The following IQSEC2 variants were observed in gnomAD, a reference collection of about 807,000 sequenced individuals.
IQSEC2 encodes the protein IQ motif and Sec7 domain ArfGEF 2.
IQSEC2 carries 6 observed loss-of-function variants against 74.6 expected under a neutral mutation model. That is an observed-to-expected ratio of 0.08 (90% confidence interval 0.04 to 0.16). The LOEUF is 0.16. Ranked by LOEUF, IQSEC2 falls within the 10% of genes least tolerant of loss-of-function variation. The probability of loss-of-function intolerance (pLI) is 1.00; values close to 1 mark genes in which losing one functional copy is unlikely to be tolerated. For missense variants in IQSEC2, 734 were observed against 1,306.2 expected (o/e 0.56, Z 6.75); for synonymous variants, 494 against 544.5 (o/e 0.91, Z 1.29).
downstream of IQSEC2, among the ~76,000 whole-genome samples, chrX:53,228,278 A>C (rs868961291): frequency 1.8e-5 from 2 of 112,067 alleles, no homozygotes; most frequent in Non-Finnish European, 3.8e-5. Context: ...GCAGGACCAG[A>C]ACTCAAACCC....
chrX:53,234,756 G>A lies in IQSEC2; in HGVS notation c.3930C>T (p.Pro1310=), dbSNP rs913156254. The A allele has an allele frequency of 3.5e-5, 39 of 1,118,490 alleles. No homozygotes were observed. The highest frequency in any genetic ancestry group is 4.5e-5 in the Non-Finnish European group (38 of 849,779). The allele number at this position is 1,118,490 out of a possible 1,213,427, so 92.2% of individuals were successfully genotyped here. A position where few individuals can be genotyped will look rare whatever the true frequency, so the allele number is the denominator to read the frequency against. ...GTGGCCCCACAGGTGGGGCTGAGGC[G>A]GGAGGCGGTGGAATGGAGCCCAGCT... is the stretch of plus-strand genomic sequence containing the variant. ...LPQLGSIPPP[P]ASAPPVGPHR... is the part of the protein sequence containing the mutation. Residue 1310 remains proline (P), a synonymous_variant, in exon 15 of 15, where the codon CCC becomes CCT. Transcript: ENST00000642864.
At chrX:53,262,712 C>G (rs2074587574) in intron 2 of IQSEC2, among the ~76,000 whole-genome samples, 1 of 112,565 alleles carries the variant, frequency 8.9e-6, no homozygotes, top group Admixed American at 9.3e-5. Flanking sequence ...CCTAGCCCAG[C>G]CTGGCTTGGC....
chrX:53,300,922 A>T (rs1263767678), intron 1 of IQSEC2, among the ~76,000 whole-genome samples: 1 of 111,882 alleles, frequency 8.9e-6, no homozygotes, highest in Non-Finnish European at 1.9e-5. Flanking sequence ...TGGAAAAATC[A>T]AGAACAAAAA....
At chrX:53,242,021 T>A in intron 9 of IQSEC2, 112 bp from the exon 10 acceptor site, 11 of 927,492 alleles carry the variant, frequency 1.2e-5, no homozygotes, top group Non-Finnish European at 1.7e-5. Flanking sequence ...TGTGTGTCAC[T>A]CTGACACAAG....
In IQSEC2 at chrX:53,254,679, T is replaced by C; in HGVS notation, c.1252A>G (p.Met418Val). The C allele has an allele frequency of 8.3e-7, 1 of 1,211,248 alleles. No individual in the cohort carries two copies. The highest frequency in any genetic ancestry group is 1.1e-6 in the Non-Finnish European group (1 of 895,055). ...GKPASLDEGA[M>V]AGARSHRLER... ...AGCCGGTGGCTCCGGGCACCAGCCA[T>C]GGCACCCTCGTCCAGCGAGGCAGGC... Residue 418 changes from methionine to valine, a missense_variant, in exon 4 of 15, where the codon ATG becomes GTG. Around this residue, in one of 12 missense-constraint regions of IQSEC2, gnomAD observed 204 missense variants for 305.4 expected, o/e 0.67. Transcript: ENST00000642864.
At chrX:53,280,657 C>T (rs1177289180) in intron 2 of IQSEC2, among the ~76,000 whole-genome samples, 1 of 110,416 alleles carries the variant, frequency 9.1e-6, no homozygotes, top group African/African-American at 3.3e-5. Context: ...TGATGCTGTG[C>T]CCCCACCACC....
At chrX:53,232,576 T>C (rs781835453), downstream of IQSEC2, among the ~76,000 whole-genome samples, 2 of 111,935 alleles carry the variant, frequency 1.8e-5, no homozygotes, top group African/African-American at 6.5e-5. Context: ...AGTTTTACAC[T>C]GAGGAAACTG....
chrX:53,259,850 T>C (rs1602300858), intron 2 of IQSEC2, among the ~76,000 whole-genome samples: 1 of 112,017 alleles, frequency 8.9e-6, no homozygotes, highest in Non-Finnish European at 1.9e-5. Flanking sequence ...AACTATTTCA[T>C]TCTCTCACTA....
In IQSEC2 at chrX:53,251,036, T is replaced by G; in HGVS notation, c.1540A>C (p.Ser514Arg). ...TCATCCAGGTAGAGGGGAAGATCACTGAAGGATGTGGCTGAGCTGTCCTCT... is the reference window on the plus strand; with the variant it reads ...TCATCCAGGTAGAGGGGAAGATCACGGAAGGATGTGGCTGAGCTGTCCTCT... ...QQEDSSATSF[S>R]DLPLYLDDTV... The change falls in exon 5 of 15, where the codon AGT becomes CGT. Residue 514 changes from serine to arginine, a missense_variant. Ser to Arg is a moderately radical substitution (Grantham distance 110). Coordinates refer to ENST00000642864, the MANE Select transcript of IQSEC2 (RefSeq NM_001111125.3). 1.7e-6 allele frequency: 2 copies of G among 1,211,594 alleles called. No individual in the cohort carries two copies. The highest frequency in any genetic ancestry group is 2.2e-6 in the Non-Finnish European group (2 of 895,475).
chrX:53,286,552 C>T (rs2075027370), intron 2 of IQSEC2, among the ~76,000 whole-genome samples: 1 of 111,463 alleles, frequency 9.0e-6, no homozygotes, highest in Admixed American at 9.5e-5. Context: ...AGGGGCAGAT[C>T]CTGAAGCTGG....
At chrX:53,319,494 G>A (rs1368662342) in intron 1 of IQSEC2, among the ~76,000 whole-genome samples, 1 of 112,031 alleles carries the variant, frequency 8.9e-6, no homozygotes, top group Non-Finnish European at 1.9e-5. Context: ...CCAGCTCAGT[G>A]TTCCTTCGAA....
At chrX:53,282,618 T>C (rs1470197494) in intron 2 of IQSEC2, among the ~76,000 whole-genome samples, 3 of 112,052 alleles carry the variant, frequency 2.7e-5, no homozygotes, top group Non-Finnish European at 5.6e-5. Flanking sequence ...GCCTCCCTGC[T>C]GGGGCAGCTG....
rs1556863296 is a variant in IQSEC2, at chrX:53,250,871, C to T, written c.1705G>A (p.Glu569Lys). ...PSGTREDGSR[E>K]EGTRRGPGCL... ...CCGGGACCCCTGCGAGTGCCTTCCTCACGGCTACCGTCTTCCCGGGTTCCT... is the reference window on the plus strand; with the variant it reads ...CCGGGACCCCTGCGAGTGCCTTCCTTACGGCTACCGTCTTCCCGGGTTCCT... The change falls in exon 5 of 15, where the codon GAG becomes AAG. Residue 569 changes from glutamate to lysine, a missense_variant. Around this residue, in one of 12 missense-constraint regions of IQSEC2, gnomAD observed 204 missense variants for 305.4 expected, o/e 0.67. Coordinates refer to ENST00000642864, the MANE Select transcript of IQSEC2 (RefSeq NM_001111125.3). 8.3e-7 allele frequency: 1 copy of T among 1,209,819 alleles called. No individual in the cohort carries two copies. The highest frequency in any genetic ancestry group is 2.2e-5 in the Admixed American group (1 of 46,035).
chrX:53,232,258 T>C (rs1000221272), downstream of IQSEC2, among the ~76,000 whole-genome samples: 14 of 111,643 alleles, frequency 1.3e-4, no homozygotes, highest in Non-Finnish European at 2.5e-4. Context: ...GTCCAGCTCT[T>C]TGTTATCTGA....
At position 53,235,281 on chromosome X, in the gene IQSEC2, C is replaced by A. The variant is rs1556859403; in HGVS notation, c.3502-97G>T. The A allele has an allele frequency of 9.7e-6, 10 of 1,028,940 alleles. No homozygotes were observed. In the East Asian group the frequency reaches 3.0e-4, roughly 31 times the overall value. 84.8% of individuals were successfully genotyped at this position (1,028,940 alleles called of 1,213,427 possible). A position where few individuals can be genotyped will look rare whatever the true frequency, so the allele number is the denominator to read the frequency against. On this transcript the variant is annotated intron_variant, in intron 14 of 14. Coordinates refer to ENST00000642864, the MANE Select transcript of IQSEC2 (RefSeq NM_001111125.3). ...TCCCTGAGGGCTGGAGCTGGGGAGACAGCAAACCCCAAGTTGTAATAAAAA... is the reference window on the plus strand; with the variant it reads ...TCCCTGAGGGCTGGAGCTGGGGAGAAAGCAAACCCCAAGTTGTAATAAAAA...
chrX:53,317,476 T>A (rs1024099232), intron 1 of IQSEC2, among the ~76,000 whole-genome samples: 32 of 111,717 alleles, frequency 2.9e-4, no homozygotes, highest in Non-Finnish European at 3.8e-4. Flanking sequence ...GTCTGTCTTA[T>A]GAGTAATGTA....
At chrX:53,310,836 A>C (rs1328846887) in intron 1 of IQSEC2, among the ~76,000 whole-genome samples, 2 of 110,241 alleles carry the variant, frequency 1.8e-5, no homozygotes, top group East Asian at 5.7e-4. Context: ...TTAAGAAAAG[A>C]TGCACTGGGC....
chrX:53,319,039 A>T (rs1373853016), intron 1 of IQSEC2, among the ~76,000 whole-genome samples: 2 of 112,713 alleles, frequency 1.8e-5, no homozygotes, highest in South Asian at 3.6e-4. Flanking sequence ...GCTGCAGTGG[A>T]GCCCAGCCGA....
chrX:53,306,248 CAGCCA>C (rs2075261593), intron 1 of IQSEC2, among the ~76,000 whole-genome samples: 1 of 112,074 alleles, frequency 8.9e-6, no homozygotes. Flanking sequence ...TCCAAGCACC[CAGCCA>C]ATCCCGGCAA....
Sources: allele counts gnomAD v4.1 joint callset (sites outside exome capture counted in the v4.1 genomes callset), GRCh38; gene constraint gnomAD v4.1.1; regional missense constraint gnomAD v4.1.1; transcripts MANE v1.5; gene names NCBI Gene and HGNC (gene_info 2026-07-23, HGNC 2026-07-21).